Variants in HCN1 observed in about 807,000 individuals in gnomAD.
HCN1 encodes potassium/sodium hyperpolarization-activated cyclic nucleotide-gated channel 1.
Under a neutral mutation model 78.9 loss-of-function variants are expected in HCN1, and 13 were observed. That is an observed-to-expected ratio of 0.16 (90% CI 0.11 to 0.26). The LOEUF (loss-of-function observed/expected upper bound fraction) is 0.26, where lower values mean the gene tolerates loss of function less well. HCN1 is among the 10% of genes least tolerant of loss of function. The pLI is 1.00. For missense variants in HCN1, 810 were observed against 1,154.3 expected, an observed-to-expected ratio of 0.70 and a Z score of 4.32; for synonymous variants, 552 against 455.5, an observed-to-expected ratio of 1.21 and a Z score of -2.70.
chr5:45,459,441 G>T (rs1451674077), intron 3 of HCN1, among the ~76,000 whole-genome samples: 2 of 148,154 alleles, frequency 1.3e-5, no homozygotes, highest in African/African-American at 4.9e-5. Context: ...GCAAATTCTG[G>T]AAAGATATTT....
chr5:45,307,627 G>C (rs574906920), intron 5 of HCN1, among the ~76,000 whole-genome samples: 3 of 152,060 alleles, frequency 2.0e-5, no homozygotes, highest in African/African-American at 7.2e-5. Flanking sequence ...AAAATATTTG[G>C]CCAGTTCTAA....
At chr5:45,508,383 G>C (rs922750490) in intron 2 of HCN1, among the ~76,000 whole-genome samples, 1 of 152,020 alleles carries the variant, frequency 6.6e-6, no homozygotes, top group African/African-American at 2.4e-5. Flanking sequence ...AAAGGAGTTA[G>C]ATTACACCAC....
chr5:45,285,911 C>A (rs1207319657), intron 6 of HCN1, among the ~76,000 whole-genome samples: 1 of 151,894 alleles, frequency 6.6e-6, no homozygotes, highest in African/African-American at 2.4e-5. Context: ...AACAAATCAT[C>A]AGATGTTTGC....
intron 4 of HCN1, among the ~76,000 whole-genome samples, chr5:45,378,720 C>A (rs1236046543): frequency 1.3e-5 from 2 of 151,970 alleles, no homozygotes; most frequent in Non-Finnish European, 2.9e-5. Flanking sequence ...TGTGCTGCAC[C>A]CATTAACTCG....
chr5:45,543,717 G>A (rs975139968), intron 2 of HCN1, among the ~76,000 whole-genome samples: 1 of 151,964 alleles, frequency 6.6e-6, no homozygotes, highest in African/African-American at 2.4e-5. Flanking sequence ...AGAAATGCTG[G>A]CACCATTTTT....
At chr5:45,390,928 T>C (rs1300479228) in intron 4 of HCN1, among the ~76,000 whole-genome samples, 2 of 152,140 alleles carry the variant, frequency 1.3e-5, no homozygotes, top group African/African-American at 4.8e-5. Context: ...ATTCCAAGCA[T>C]TGTCACACTG....
At chr5:45,443,821 T>G (rs1367853248) in intron 3 of HCN1, among the ~76,000 whole-genome samples, 1 of 152,096 alleles carries the variant, frequency 6.6e-6, no homozygotes, top group East Asian at 1.9e-4. Context: ...ATTTTAAAGA[T>G]TTTTCTTATT....
Position 45,375,992 on chromosome 5 carries a change from TATA to T in HCN1, c.1230+20497_1230+20499del, listed in dbSNP as rs1156401831. Among the ~76,000 whole-genome samples, 51 of 117,598 alleles carry T rather than the reference TATA, an allele frequency of 4.3e-4. 1 individual carries two copies. Among genetic ancestry groups the T allele is most frequent in the African/African-American group, 1.6e-3 (45 of 28,726 alleles). 77.1% of individuals were successfully genotyped at this position (117,598 alleles called of 152,430 possible). A position where few individuals can be genotyped will look rare whatever the true frequency, so the allele number is the denominator to read the frequency against. ...ATTTTATCACATATATTATATATGA[TATA>T]ATATTTTATAATATTTTATCATATA... On this transcript the variant is annotated intron_variant, in intron 4 of 7. Transcript: ENST00000303230.
At chr5:45,316,075 A>G (rs1371268753) in intron 5 of HCN1, among the ~76,000 whole-genome samples, 1 of 152,240 alleles carries the variant, frequency 6.6e-6, no homozygotes, top group Non-Finnish European at 1.5e-5. Flanking sequence ...TGAGGCCAGC[A>G]TCATCCTGAT....
At chr5:45,315,240 A>G (rs1440258936) in intron 5 of HCN1, among the ~76,000 whole-genome samples, 2 of 152,240 alleles carry the variant, frequency 1.3e-5, no homozygotes, top group Non-Finnish European at 2.9e-5. Flanking sequence ...CAATCAAACT[A>G]GAACTCAGGA....
intron 2 of HCN1, among the ~76,000 whole-genome samples, chr5:45,465,433 A>G (rs1741247531): frequency 6.6e-6 from 1 of 152,064 alleles, no homozygotes; most frequent in Non-Finnish European, 1.5e-5. Flanking sequence ...AGTGGTATTT[A>G]CAGGAGTCAA....
chr5:45,326,036 A>C (rs1746228005), intron 5 of HCN1, among the ~76,000 whole-genome samples: 1 of 151,658 alleles, frequency 6.6e-6, no homozygotes, highest in Non-Finnish European at 1.5e-5. Context: ...TTTAAGTTTT[A>C]TTTAACTCCC....
At chr5:45,660,246 C>A (rs993635529) in intron 1 of HCN1, among the ~76,000 whole-genome samples, 27 of 110,836 alleles carry the variant, frequency 2.4e-4, no homozygotes, top group Non-Finnish European at 3.7e-4. Context: ...TATAGACAAG[C>A]AAATGCTGAG....
At chr5:45,379,187 G>A (rs1747753408) in intron 4 of HCN1, among the ~76,000 whole-genome samples, 4 of 152,114 alleles carry the variant, frequency 2.6e-5, no homozygotes, top group Admixed American at 2.0e-4. Context: ...GATGCTTGAG[G>A]AATCGCCACA....
At chr5:45,292,048 G>A (rs1745388884) in intron 6 of HCN1, among the ~76,000 whole-genome samples, 1 of 151,744 alleles carries the variant, frequency 6.6e-6, no homozygotes, top group Non-Finnish European at 1.5e-5. Context: ...GGAATACAGT[G>A]TATTTTCAAT....
intron 1 of HCN1, among the ~76,000 whole-genome samples, chr5:45,677,207 C>T (rs1739578191): frequency 6.6e-6 from 1 of 151,736 alleles, no homozygotes; most frequent in African/African-American, 2.4e-5. Context: ...CAGTGATAAC[C>T]TCTCATTACT....
intron 6 of HCN1, among the ~76,000 whole-genome samples, chr5:45,287,390 T>A (rs908308654): frequency 1.3e-5 from 2 of 152,002 alleles, no homozygotes; most frequent in Non-Finnish European, 2.9e-5. Flanking sequence ...GTATGATAAA[T>A]ATATGCCTTC....
intron 5 of HCN1, among the ~76,000 whole-genome samples, chr5:45,312,306 C>G (rs763856020): frequency 5.9e-5 from 9 of 152,152 alleles, no homozygotes; most frequent in Non-Finnish European, 1.3e-4. Flanking sequence ...AAGAATGAAA[C>G]AGCAATAAAG....
At chr5:45,494,769 T>C (rs1294190271) in intron 2 of HCN1, among the ~76,000 whole-genome samples, 1 of 152,228 alleles carries the variant, frequency 6.6e-6, no homozygotes, top group African/African-American at 2.4e-5. Flanking sequence ...CTTGAATTAA[T>C]TTTTGTCTAA....
Sources: gnomAD v4.1 joint callset for allele counts (sites outside exome capture counted in the v4.1 genomes callset) on GRCh38, gnomAD v4.1.1 for gene constraint, MANE v1.5 for transcripts, NCBI Gene and HGNC (gene_info 2026-07-23, HGNC 2026-07-21) for gene names.